Variants in CSGALNACT1 observed in about 807,000 individuals in gnomAD.
CSGALNACT1 encodes the protein chondroitin sulfate N-acetylgalactosaminyltransferase 1.
CSGALNACT1 carries 52 observed loss-of-function variants against 51.0 expected under a neutral mutation model. That is an observed-to-expected ratio of 1.02 (90% CI 0.82 to 1.29). The LOEUF (loss-of-function observed/expected upper bound fraction) is 1.29. Ranked by LOEUF, CSGALNACT1 falls within the 50% of genes most tolerant of loss-of-function variation. The pLI, the probability that CSGALNACT1 is intolerant of heterozygous loss-of-function variation, is 0.00. For missense variants in CSGALNACT1, 935 were observed against 679.2 expected (o/e 1.38, Z -4.19); for synonymous variants, 341 against 254.4 (o/e 1.34, Z -3.24).
chr8:19,446,621 C>A (rs1165223550), intron 5 of CSGALNACT1, among the ~76,000 whole-genome samples: 1 of 152,144 alleles, frequency 6.6e-6, no homozygotes, highest in Non-Finnish European at 1.5e-5. Context: ...TCAAGTGATC[C>A]TCCCACCCTA....
At chr8:19,653,292 T>C (rs1377608596) in intron 1 of CSGALNACT1, among the ~76,000 whole-genome samples, 2 of 152,176 alleles carry the variant, frequency 1.3e-5, no homozygotes, top group East Asian at 1.9e-4. Context: ...CACAGCGCTG[T>C]TGACATCGCT....
chr8:19,674,824 A>C (rs760382891), intron 1 of CSGALNACT1, among the ~76,000 whole-genome samples: 2 of 152,024 alleles, frequency 1.3e-5, no homozygotes, highest in Non-Finnish European at 2.9e-5. Context: ...GGTTGTAGAT[A>C]TATTTTGAAA....
At chr8:19,614,679 G>A (rs1328480382) in intron 1 of CSGALNACT1, among the ~76,000 whole-genome samples, 1 of 152,072 alleles carries the variant, frequency 6.6e-6, no homozygotes, top group African/African-American at 2.4e-5. Context: ...TATTCAAATA[G>A]GTGTTTAATA....
rs564949648 is a variant in CSGALNACT1, at chr8:19,698,437, A to G, written c.-297+59413T>C. ...TTTGAATAAGCACATAGCACAAGCTACTATCTCATTAATACCCATAACAAT... is the reference window on the plus strand; with the variant it reads ...TTTGAATAAGCACATAGCACAAGCTGCTATCTCATTAATACCCATAACAAT... On this transcript the variant is annotated intron_variant, in intron 1 of 1. Transcript: ENST00000517494. Among the ~76,000 whole-genome samples, 3 of 152,332 alleles carry G rather than the reference A, an allele frequency of 2.0e-5. No individual in the cohort carries two copies. The South Asian group carries it at 6.2e-4, about 32-fold the overall frequency.
chr8:19,495,322 T>C (rs1278295211), intron 4 of CSGALNACT1: 4 of 152,176 alleles, frequency 2.6e-5, no homozygotes, highest in Admixed American at 2.6e-4. Context: ...CCTGTTCCAA[T>C]ATTCATTTGT....
intron 4 of CSGALNACT1, among the ~76,000 whole-genome samples, chr8:19,478,431 A>G (rs891025807): frequency 1.3e-5 from 2 of 151,668 alleles, no homozygotes; most frequent in East Asian, 3.9e-4. Context: ...AAAAAAAAAA[A>G]AAAAAAAGGT....
At chr8:19,595,588 G>C (rs1327926953) in intron 2 of CSGALNACT1, among the ~76,000 whole-genome samples, 1 of 151,750 alleles carries the variant, frequency 6.6e-6, no homozygotes, top group Non-Finnish European at 1.5e-5. Flanking sequence ...TTTCTCTGGG[G>C]GACTTGACTA....
intron 4 of CSGALNACT1, among the ~76,000 whole-genome samples, chr8:19,480,783 G>A (rs529392859): frequency 1.2e-4 from 19 of 152,184 alleles, no homozygotes; most frequent in African/African-American, 4.6e-4. Flanking sequence ...TCCCTACCAG[G>A]CTCACTCCAG....
chr8:19,573,833 T>C (rs576537820), intron 3 of CSGALNACT1, among the ~76,000 whole-genome samples: 1 of 152,272 alleles, frequency 6.6e-6, no homozygotes, highest in East Asian at 1.9e-4. Flanking sequence ...CTCAAGGTGC[T>C]GGGGATAAAG....
At chr8:19,575,325 A>G (rs897823031) in intron 3 of CSGALNACT1, among the ~76,000 whole-genome samples, 13 of 152,138 alleles carry the variant, frequency 8.5e-5, no homozygotes, top group African/African-American at 3.1e-4. Context: ...ATCCCAGAAC[A>G]CTTAATTTTT....
At chr8:19,622,444 T>C (rs1001330568) in intron 1 of CSGALNACT1, among the ~76,000 whole-genome samples, 1 of 152,256 alleles carries the variant, frequency 6.6e-6, no homozygotes, top group Non-Finnish European at 1.5e-5. Flanking sequence ...AATGTAACCA[T>C]TGTTTAAAAG....
At chr8:19,570,535 C>T (rs2042798592) in intron 3 of CSGALNACT1, among the ~76,000 whole-genome samples, 1 of 152,098 alleles carries the variant, frequency 6.6e-6, no homozygotes, top group Non-Finnish European at 1.5e-5. Flanking sequence ...GGAGTGGTAC[C>T]TCTGACTCCA....
chr8:19,634,592 G>A (rs1404836499), intron 1 of CSGALNACT1, among the ~76,000 whole-genome samples: 7 of 152,148 alleles, frequency 4.6e-5, no homozygotes, highest in African/African-American at 1.7e-4. Context: ...AGCCCAGGAG[G>A]TCTAGGCTGC....
At chr8:19,683,335 A>G (rs1287900432), upstream of CSGALNACT1, 11 of 152,192 alleles carry the variant, frequency 7.2e-5, no homozygotes, top group Admixed American at 7.2e-4. Flanking sequence ...TTGTCATGGC[A>G]TTTTATCAGG....
At chr8:19,541,845 G>A (rs2085250162) in intron 3 of CSGALNACT1, among the ~76,000 whole-genome samples, 1 of 151,966 alleles carries the variant, frequency 6.6e-6, no homozygotes, top group Non-Finnish European at 1.5e-5. Flanking sequence ...AAATAACTGT[G>A]TGCAATAGAA....
rs1420199022 is a variant in CSGALNACT1 at position 19,453,786 on chromosome 8, C to A, written c.851+4640G>T. On this transcript the variant is annotated intron_variant, in intron 5 of 9. Transcript: ENST00000454498. ...AAGCAGCTGGGCGTCGTGTCATGCA[C>A]CTGTAGTCCCAGCTACTCGGGAGGC... is the stretch of plus-strand genomic sequence containing the variant. Among the ~76,000 whole-genome samples the A allele has an allele frequency of 2.6e-5, 4 of 152,034 alleles. No homozygotes were observed. In the South Asian group the frequency reaches 8.3e-4, roughly 32 times the overall value.
chr8:19,425,842 G>A (rs1051507464), intron 6 of CSGALNACT1, among the ~76,000 whole-genome samples: 4 of 152,022 alleles, frequency 2.6e-5, no homozygotes, highest in South Asian at 2.1e-4. Flanking sequence ...TCAAATACGC[G>A]CTCTGCATCT....
chr8:19,584,066 T>C (rs2046141491), intron 3 of CSGALNACT1, among the ~76,000 whole-genome samples: 1 of 152,164 alleles, frequency 6.6e-6, no homozygotes, highest in Non-Finnish European at 1.5e-5. Flanking sequence ...TTCTTAAAAA[T>C]ACTCCAATTA....
chr8:19,659,022 T>C (rs1042236249), intron 1 of CSGALNACT1, among the ~76,000 whole-genome samples: 6 of 152,130 alleles, frequency 3.9e-5, no homozygotes, highest in African/African-American at 1.4e-4. Context: ...ATCTAAGTAA[T>C]GAAATCTCTT....
Sources: allele counts gnomAD v4.1 joint callset (sites outside exome capture counted in the v4.1 genomes callset), GRCh38; gene constraint gnomAD v4.1.1; transcripts MANE v1.5; gene names NCBI Gene and HGNC (gene_info 2026-07-23, HGNC 2026-07-21).